The following FHOD3 variants were observed in gnomAD, a reference collection of about 807,000 sequenced individuals.
FHOD3 encodes formin homology 2 domain containing 3.
FHOD3 carries 90 observed loss-of-function variants against 173.0 expected under a neutral mutation model. That is an observed-to-expected ratio of 0.52 (90% CI 0.44 to 0.62). The LOEUF is 0.62. Ranked by LOEUF, FHOD3 falls within the 20% of genes least tolerant of loss-of-function variation. The pLI is 0.00. For missense variants in FHOD3, 1,945 were observed against 2,034.7 expected, an observed-to-expected ratio of 0.96 and a Z score of 0.85; for synonymous variants, 828 against 823.0, an observed-to-expected ratio of 1.01 and a Z score of -0.10.
intron 3 of FHOD3, among the ~76,000 whole-genome samples, chr18:36,469,120 G>A (rs1463116455): frequency 2.0e-5 from 3 of 152,138 alleles, no homozygotes; most frequent in Non-Finnish European, 4.4e-5. Flanking sequence ...TGTGATGCCT[G>A]TTGAGAACAG....
chr18:36,368,615 T>C (rs1469548879), intron 2 of FHOD3, among the ~76,000 whole-genome samples: 1 of 152,028 alleles, frequency 6.6e-6, no homozygotes, highest in African/African-American at 2.4e-5. Context: ...TATCTACCTG[T>C]ATTTGTCCAT....
At chr18:36,682,351 C>T (rs1208815178) in intron 15 of FHOD3, among the ~76,000 whole-genome samples, 5 of 152,114 alleles carry the variant, frequency 3.3e-5, no homozygotes, top group African/African-American at 1.2e-4. Context: ...CCTTTTCCCC[C>T]TTTCTTCCCC....
intron 3 of FHOD3, among the ~76,000 whole-genome samples, chr18:36,431,425 C>T (rs577901250): frequency 4.6e-5 from 7 of 152,194 alleles, no homozygotes; most frequent in Non-Finnish European, 8.8e-5. Context: ...CATGGGTGTG[C>T]AAGCCTGTTT....
chr18:36,383,835 A>G (rs1385401332), intron 3 of FHOD3, among the ~76,000 whole-genome samples: 1 of 152,138 alleles, frequency 6.6e-6, no homozygotes, highest in Non-Finnish European at 1.5e-5. Context: ...CTGAGTTGAG[A>G]TTTGCACCCA....
chr18:36,331,606 A>G (rs1488627252), intron 1 of FHOD3, among the ~76,000 whole-genome samples: 2 of 152,238 alleles, frequency 1.3e-5, no homozygotes, highest in African/African-American at 4.8e-5. Context: ...ATAGTCCCCT[A>G]GGGCTGAAGG....
At chr18:36,567,269 A>G (rs1028614639) in intron 5 of FHOD3, among the ~76,000 whole-genome samples, 8 of 152,250 alleles carry the variant, frequency 5.3e-5, no homozygotes, top group Admixed American at 5.2e-4. Context: ...GGAAGGGAAG[A>G]AGAAAAGGGA....
chr18:36,716,692 C>T (rs2149750926), intron 18 of FHOD3, among the ~76,000 whole-genome samples: 1 of 152,290 alleles, frequency 6.6e-6, no homozygotes. Context: ...TCTAGTGCAA[C>T]ACAAAAGTCA....
chr18:36,657,061 A>G (rs911436280), intron 13 of FHOD3, among the ~76,000 whole-genome samples: 2 of 152,206 alleles, frequency 1.3e-5, no homozygotes, highest in Admixed American at 6.5e-5. Flanking sequence ...TCATTTTGAA[A>G]TCAGTTTGCT....
At chr18:36,671,033 CTG>C (rs1368919101) in intron 14 of FHOD3, among the ~76,000 whole-genome samples, 2 of 152,256 alleles carry the variant, frequency 1.3e-5, no homozygotes, top group Admixed American at 6.5e-5. Flanking sequence ...TTTCCAGACA[CTG>C]TTTGCTCTAA....
intron 13 of FHOD3, among the ~76,000 whole-genome samples, chr18:36,654,416 A>C (rs1179066146): frequency 6.6e-6 from 1 of 152,138 alleles, no homozygotes; most frequent in African/African-American, 2.4e-5. Flanking sequence ...TTTTACTATA[A>C]GTTTAAATTG....
intron 2 of FHOD3, among the ~76,000 whole-genome samples, chr18:36,369,508 G>GAT (rs1568181323): frequency 1.1e-5 from 1 of 94,390 alleles, no homozygotes; most frequent in African/African-American, 3.4e-5. Flanking sequence ...CATATATATA[G>GAT]AGAGAGAGAG....
chr18:36,596,216 G>A lies in FHOD3; in HGVS notation c.718+1318G>A, dbSNP rs573214434. Among the ~76,000 whole-genome samples, 18 of 151,544 alleles carry A rather than the reference G, an allele frequency of 1.2e-4. No homozygotes were observed. In the East Asian group the frequency reaches 1.5e-3, roughly 13 times the overall value. Reference sequence around the variant, plus strand: ...GTCGCCCAGGCTGGAGTGCAGTGGCGCGATCTCGGCTCACTGCAAGCTCCA... The same window carrying A: ...GTCGCCCAGGCTGGAGTGCAGTGGCACGATCTCGGCTCACTGCAAGCTCCA... On this transcript the variant is annotated intron_variant, in intron 7 of 28. Coordinates refer to ENST00000590592, the MANE Select transcript of FHOD3 (RefSeq NM_001281740.3).
intron 5 of FHOD3, among the ~76,000 whole-genome samples, chr18:36,561,300 G>A (rs570589473): frequency 1.3e-5 from 2 of 152,284 alleles, no homozygotes; most frequent in East Asian, 3.9e-4. Context: ...TTAAATAAAT[G>A]GAATCTAATG....
chr18:36,604,714 A>G (rs543830818), intron 8 of FHOD3, among the ~76,000 whole-genome samples: 1 of 152,352 alleles, frequency 6.6e-6, no homozygotes, highest in African/African-American at 2.4e-5. Context: ...CGTTTATTTT[A>G]AAAATAAAAC....
intron 15 of FHOD3, among the ~76,000 whole-genome samples, chr18:36,684,756 G>A (rs1219456111): frequency 2.6e-5 from 4 of 152,106 alleles, no homozygotes; most frequent in Admixed American, 6.6e-5. Context: ...TCGTGTCATC[G>A]GAGTCCCAGA....
chr18:36,727,675 G>T (rs1198854608), intron 19 of FHOD3, among the ~76,000 whole-genome samples: 2 of 152,148 alleles, frequency 1.3e-5, no homozygotes, highest in African/African-American at 4.8e-5. Flanking sequence ...GTGTGTTGCT[G>T]TAAGTTGAGC....
At position 36,673,075 on chromosome 18, in the gene FHOD3, AAGAC is replaced by A. The variant is rs528713854; in HGVS notation, c.1836-8360_1836-8357del. On this transcript the variant is annotated intron_variant, in intron 14 of 28. Coordinates refer to ENST00000590592, the MANE Select transcript of FHOD3 (RefSeq NM_001281740.3). ...AGTGCCAACTCATCATCGAAAAAGA[AAGAC>A]TGTCATTGACAGAAAATCTCCCCCT... 4.7e-4 allele frequency among the ~76,000 whole-genome samples: 72 copies of A among 152,288 alleles called. 1 individual carries two copies. Among genetic ancestry groups the A allele is most frequent in the South Asian group, 1.9e-3 (9 of 4,814 alleles).
intron 14 of FHOD3, among the ~76,000 whole-genome samples, chr18:36,668,686 C>T (rs1401673047): frequency 6.6e-6 from 1 of 151,882 alleles, no homozygotes; most frequent in Admixed American, 6.6e-5. Context: ...GTGTTTTTAT[C>T]TTCTCTTAAT....
chr18:36,314,656 A>G (rs8098713), intron 1 of FHOD3, among the ~76,000 whole-genome samples: 18,352 of 152,202 alleles, frequency 0.12, 3,606 homozygotes, highest in African/African-American at 0.41. Flanking sequence ...AGGGTCCTAA[A>G]GTTGCCAAGG....
Sources: allele counts gnomAD v4.1 joint callset (sites outside exome capture counted in the v4.1 genomes callset), GRCh38; gene constraint gnomAD v4.1.1; transcripts MANE v1.5; gene names NCBI Gene and HGNC (gene_info 2026-07-23, HGNC 2026-07-21).